The following MAN2A1 variants were observed in gnomAD, a reference collection of about 807,000 sequenced individuals.
MAN2A1 encodes the protein alpha-mannosidase 2.
In MAN2A1, 76 loss-of-function variants were observed where a neutral mutation model predicts 142.6. The ratio of observed to expected loss-of-function variants is 0.53; its 90% confidence interval spans 0.44 to 0.65. MAN2A1 has a LOEUF of 0.65. Ranked by LOEUF, MAN2A1 falls within the 30% of genes least tolerant of loss-of-function variation. The probability of loss-of-function intolerance (pLI) is 0.00; values close to 1 mark genes in which losing one functional copy is unlikely to be tolerated. For synonymous variants in MAN2A1, 559 were observed against 473.2 expected (o/e 1.18, Z -2.35); for missense variants, 1,311 against 1,365.1 (o/e 0.96, Z 0.62).
At chr5:109,699,969 T>C (rs1389912150) in intron 1 of MAN2A1, 1 of 152,236 alleles carries the variant, frequency 6.6e-6, no homozygotes, top group Non-Finnish European at 1.5e-5. Flanking sequence ...ATAATCTTGA[T>C]AATTACACCT....
chr5:109,712,684 C>G (rs1210557827), intron 1 of MAN2A1, among the ~76,000 whole-genome samples: 2 of 152,080 alleles, frequency 1.3e-5, no homozygotes, highest in Non-Finnish European at 2.9e-5. Flanking sequence ...AGACAGGGGC[C>G]CGTATCTTAT....
intron 4 of MAN2A1, among the ~76,000 whole-genome samples, chr5:109,749,972 C>T (rs1365127383): frequency 6.6e-6 from 1 of 152,004 alleles, no homozygotes; most frequent in Non-Finnish European, 1.5e-5. Context: ...TTTATCATCA[C>T]TAACAACAGT....
intron 12 of MAN2A1, among the ~76,000 whole-genome samples, chr5:109,813,083 T>G (rs1448325909): frequency 6.6e-6 from 1 of 152,244 alleles, no homozygotes; most frequent in African/African-American, 2.4e-5. Context: ...ATATCGTTTT[T>G]GCTTACTTCA....
chr5:109,804,345 T>G, intron 12 of MAN2A1: 1 of 908,818 alleles, frequency 1.1e-6, no homozygotes, highest in South Asian at 5.0e-5. Context: ...GAGTAGCGCT[T>G]TTTTTAAAAT....
intron 19 of MAN2A1, among the ~76,000 whole-genome samples, chr5:109,850,645 G>T (rs933227064): frequency 6.6e-6 from 1 of 152,028 alleles, no homozygotes; most frequent in East Asian, 1.9e-4. Context: ...AAAGTTTCTC[G>T]CTTATATGAC....
At chr5:109,783,176 A>G (rs1428973452) in intron 9 of MAN2A1, among the ~76,000 whole-genome samples, 1 of 152,172 alleles carries the variant, frequency 6.6e-6, no homozygotes, top group African/African-American at 2.4e-5. Context: ...GAACATATTC[A>G]AGGCATTGTG....
At chr5:109,752,453 A>G (rs1024425734) in intron 4 of MAN2A1, among the ~76,000 whole-genome samples, 7 of 152,232 alleles carry the variant, frequency 4.6e-5, no homozygotes, top group African/African-American at 1.7e-4. Flanking sequence ...GGACGTGCCA[A>G]CGTGAACAAA....
chr5:109,823,629 T>C, intron 15 of MAN2A1, 94 bp from the exon 16 acceptor site: 1 of 673,810 alleles, frequency 1.5e-6, no homozygotes, highest in East Asian at 2.8e-5. Flanking sequence ...TATCAGGTGA[T>C]ACGTATTTTC....
chr5:109,722,891 C>G (rs559749710), intron 3 of MAN2A1, among the ~76,000 whole-genome samples: 1 of 152,084 alleles, frequency 6.6e-6, no homozygotes, highest in East Asian at 1.9e-4. Context: ...TTCAAATAAC[C>G]AAGCTCTGTT....
At chr5:109,752,422 C>G (rs1185796672) in intron 4 of MAN2A1, among the ~76,000 whole-genome samples, 1 of 152,188 alleles carries the variant, frequency 6.6e-6, no homozygotes, top group Non-Finnish European at 1.5e-5. Context: ...CCATTATCTG[C>G]CAAGCAAGCT....
intron 8 of MAN2A1, among the ~76,000 whole-genome samples, chr5:109,780,485 C>T (rs906618959): frequency 1.3e-4 from 20 of 151,018 alleles, no homozygotes; most frequent in Admixed American, 1.3e-3. Context: ...CTATTGCTAC[C>T]TTGAATCAAA....
At chr5:109,722,852 T>G (rs1356404895) in intron 3 of MAN2A1, among the ~76,000 whole-genome samples, 1 of 152,226 alleles carries the variant, frequency 6.6e-6, no homozygotes, top group Admixed American at 6.5e-5. Flanking sequence ...TAACAGTGTC[T>G]GTCATATTTT....
At chr5:109,864,586 A>G (rs1346201709) in intron 20 of MAN2A1, 1 of 153,368 alleles carries the variant, frequency 6.5e-6, no homozygotes, top group East Asian at 1.9e-4. Context: ...TTAATGTTCA[A>G]TAAAGAAGCA....
chr5:109,833,777 C>G (rs1754992469), intron 16 of MAN2A1, among the ~76,000 whole-genome samples: 1 of 152,122 alleles, frequency 6.6e-6, no homozygotes, highest in Admixed American at 6.5e-5. Context: ...AGTTAGATGC[C>G]ATAAGCCACA....
At chr5:109,729,991 TGGG>T (rs1312936990) in intron 4 of MAN2A1, among the ~76,000 whole-genome samples, 1 of 151,996 alleles carries the variant, frequency 6.6e-6, no homozygotes, top group Non-Finnish European at 1.5e-5. Context: ...GACTCTGCCT[TGGG>T]GGAAAAAAAT....
In MAN2A1 at chr5:109,729,447, C is replaced by G. The variant is rs1202578771; in HGVS notation, c.641C>G (p.Ser214Cys). Residue 214 changes from serine to cysteine, a missense_variant, in exon 4 of 22, where the codon TCT becomes TGT. Coordinates refer to ENST00000261483, the MANE Select transcript of MAN2A1 (RefSeq NM_002372.4). ...KEDSRRKFIWSEISYLSKWWD... is the reference protein window; with the variant it reads ...KEDSRRKFIWCEISYLSKWWD... ...GACTCACGGAGGAAGTTTATTTGGTCTGAGATCTCTTACCTTTCAAAGTGG... is the reference window on the plus strand; with the variant it reads ...GACTCACGGAGGAAGTTTATTTGGTGTGAGATCTCTTACCTTTCAAAGTGG... 3 of 1,601,890 alleles carry G rather than the reference C, an allele frequency of 1.9e-6. No homozygotes were observed. The highest frequency in any genetic ancestry group is 8.5e-7 in the Non-Finnish European group (1 of 1,173,020).
intron 1 of MAN2A1, among the ~76,000 whole-genome samples, chr5:109,706,022 G>T (rs1004624399): frequency 5.3e-5 from 8 of 152,176 alleles, no homozygotes; most frequent in African/African-American, 1.9e-4. Context: ...GTAAGGCAAG[G>T]TATTCACAGA....
intron 20 of MAN2A1, chr5:109,862,940 T>C (rs1445882850): frequency 6.6e-6 from 1 of 152,202 alleles, no homozygotes; most frequent in East Asian, 1.9e-4. Flanking sequence ...TTTTGTATTG[T>C]CGGTTTAAAT....
At chr5:109,716,941 C>CTG (rs1275992829) in intron 3 of MAN2A1, among the ~76,000 whole-genome samples, 1 of 152,092 alleles carries the variant, frequency 6.6e-6, no homozygotes, top group Non-Finnish European at 1.5e-5. Context: ...TTCCTCCCTT[C>CTG]CCCCACCCCT....
Sources: gnomAD v4.1 joint callset for allele counts (sites outside exome capture counted in the v4.1 genomes callset) on GRCh38, gnomAD v4.1.1 for gene constraint, MANE v1.5 for transcripts, NCBI Gene and HGNC (gene_info 2026-07-23, HGNC 2026-07-21) for gene names.